The following KDM1A variants were observed in gnomAD, a reference collection of about 807,000 sequenced individuals.
The protein encoded by KDM1A is lysine-specific histone demethylase 1A.
Under a neutral mutation model 109.4 loss-of-function variants are expected in KDM1A, and 49 were observed. The observed-to-expected ratio is 0.45, with a 90% CI of 0.36 to 0.57. The LOEUF is 0.57. Ranked by LOEUF, KDM1A falls within the 20% of genes least tolerant of loss-of-function variation. The pLI, the probability that KDM1A is intolerant of heterozygous loss-of-function variation, is 0.00. For missense variants in KDM1A, 668 were observed against 1,116.6 expected (o/e 0.60, Z 5.73); for synonymous variants, 380 against 415.4 (o/e 0.91, Z 1.04).
At chr1:23,061,728 C>T (rs1643007327) in intron 9 of KDM1A, among the ~76,000 whole-genome samples, 1 of 150,658 alleles carries the variant, frequency 6.6e-6, no homozygotes, top group South Asian at 2.1e-4. Flanking sequence ...ACAATCTTGA[C>T]TCACTGCAAC....
rs367956408 is a variant in KDM1A at position 23,066,089 on chromosome 1, T to C, written c.1179+18T>C. 6.4e-5 allele frequency: 97 copies of C among 1,524,058 alleles called. No individual in the cohort carries two copies. Among genetic ancestry groups the C allele is most frequent in the Non-Finnish European group, 6.9e-5 (76 of 1,099,764 alleles). The allele number at this position is 1,524,058 out of a possible 1,614,324, so 94.4% of individuals were successfully genotyped here. ...CTGTCAAGGTATTTTTTTCATAATT[T>C]TTCAAATCATTTTCCTCACTGTTTA... is the stretch of plus-strand genomic sequence containing the variant. On this transcript the variant is annotated intron_variant, in intron 10 of 20. Transcript: ENST00000400181.
At chr1:23,037,227 C>T (rs971359822) in intron 2 of KDM1A, among the ~76,000 whole-genome samples, 8 of 149,956 alleles carry the variant, frequency 5.3e-5, no homozygotes, top group Admixed American at 1.3e-4. Flanking sequence ...TCACTTGAAC[C>T]GGAGAGGCAG....
At chr1:23,026,430 C>T (rs1261436580) in intron 1 of KDM1A, among the ~76,000 whole-genome samples, 2 of 149,388 alleles carry the variant, frequency 1.3e-5, no homozygotes, top group Admixed American at 6.7e-5. Flanking sequence ...CACTTTGTCA[C>T]CCAGGCTGGA....
intron 2 of KDM1A, among the ~76,000 whole-genome samples, chr1:23,042,439 T>A (rs1194404461): frequency 2.6e-4 from 14 of 54,788 alleles, no homozygotes; most frequent in Admixed American, 1.8e-3. Flanking sequence ...TGAAATATAT[T>A]ATTTTTTTTT....
At chr1:23,058,713 TACAGCC>T (rs1214158096) in intron 8 of KDM1A, among the ~76,000 whole-genome samples, 1 of 152,178 alleles carries the variant, frequency 6.6e-6, no homozygotes, top group Non-Finnish European at 1.5e-5. Flanking sequence ...ATGAGAAATA[TACAGCC>T]ACTAAAAATC....
chr1:23,055,637 T>G (rs1438060640), intron 6 of KDM1A, among the ~76,000 whole-genome samples: 1 of 152,226 alleles, frequency 6.6e-6, no homozygotes, highest in Non-Finnish European at 1.5e-5. Flanking sequence ...TGAAGCAGAT[T>G]ATTAACAAAT....
chr1:23,069,477 C>CT (rs377017754), intron 12 of KDM1A, among the ~76,000 whole-genome samples: 207 of 152,214 alleles, frequency 1.4e-3, no homozygotes, highest in African/African-American at 4.7e-3. Context: ...ATAAAATACA[C>CT]TAACACTAAT....
At chr1:23,073,751 C>T (rs908241896) in intron 15 of KDM1A, among the ~76,000 whole-genome samples, 4 of 152,192 alleles carry the variant, frequency 2.6e-5, no homozygotes, top group Admixed American at 6.5e-5. Flanking sequence ...TCATACAGTA[C>T]ATAGCTTTTT....
intron 2 of KDM1A, among the ~76,000 whole-genome samples, chr1:23,035,402 G>A (rs982866919): frequency 3.3e-5 from 5 of 151,966 alleles, no homozygotes; most frequent in Admixed American, 1.3e-4. Context: ...AGGTTTCTCC[G>A]CGTTGGCCAG....
intron 16 of KDM1A, 29 bp downstream of exon 16, chr1:23,077,389 G>A: frequency 6.3e-7 from 1 of 1,599,400 alleles, no homozygotes; most frequent in Non-Finnish European, 8.6e-7. Flanking sequence ...AAAGGTAAGA[G>A]AGAACTCTCC....
chr1:23,077,331 C>T lies in KDM1A; in HGVS notation c.1838C>T (p.Ala613Val). Residue 613 changes from alanine to valine, a missense_variant, in exon 16 of 21, where the codon GCA becomes GTA. Transcript: ENST00000400181. ...GGCCTAGACATTAAACTGAATACAG[C>T]AGTGCGACAGGTTCGCTACACGGCT... ...AEGLDIKLNT[A>V]VRQVRYTASG... is the part of the protein sequence containing the mutation. 1 of 1,613,622 alleles carries T rather than the reference C, an allele frequency of 6.2e-7. No homozygotes were observed. The highest frequency in any genetic ancestry group is 8.5e-7 in the Non-Finnish European group (1 of 1,179,634).
chr1:23,073,460 G>C, intron 15 of KDM1A, 57 bp downstream of exon 15: 1 of 935,160 alleles, frequency 1.1e-6, no homozygotes, highest in South Asian at 1.4e-5. Flanking sequence ...GATTGTAAGA[G>C]AAATAGTTAA....
chr1:23,035,266 G>A (rs1434189120), intron 2 of KDM1A, among the ~76,000 whole-genome samples: 1 of 152,140 alleles, frequency 6.6e-6, no homozygotes, highest in Non-Finnish European at 1.5e-5. Context: ...GCAATGGCAT[G>A]ATCTCGGCTC....
intron 16 of KDM1A, 60 bp downstream of exon 16, chr1:23,077,420 G>C: frequency 6.5e-7 from 1 of 1,541,900 alleles, no homozygotes; most frequent in Middle Eastern, 1.7e-4. Flanking sequence ...CTGATCTTTT[G>C]TTAGGTGCGA....
intron 20 of KDM1A, 187 bp downstream of exon 20, chr1:23,082,553 C>T (rs1643651811): frequency 3.6e-6 from 2 of 548,702 alleles, no homozygotes; most frequent in African/African-American, 1.9e-5. Flanking sequence ...TAAATCTAGG[C>T]AGTCTACATT....
At chr1:23,078,115 C>T (rs530714314) in intron 16 of KDM1A, among the ~76,000 whole-genome samples, 23 of 152,314 alleles carry the variant, frequency 1.5e-4, no homozygotes, top group Middle Eastern at 3.4e-3. Flanking sequence ...TCTTACCCTG[C>T]GCTGCCCCTT....
chr1:23,075,522 G>A (rs1357015375), intron 15 of KDM1A, among the ~76,000 whole-genome samples: 2 of 149,098 alleles, frequency 1.3e-5, no homozygotes, highest in Non-Finnish European at 3.0e-5. Flanking sequence ...AGTGAGCGGA[G>A]ATCGCGCCAT....
Position 23,055,917 on chromosome 1 carries a change from A to AT in KDM1A, c.884-9dup, listed in dbSNP as rs1642816551. 3 of 1,556,524 alleles carry AT rather than the reference A, an allele frequency of 1.9e-6. No individual in the cohort carries two copies. In the African/African-American group the frequency reaches 4.2e-5, roughly 22 times the overall value. On this transcript the variant is annotated splice_polypyrimidine_tract_variant and intron_variant, in intron 6 of 20. Transcript: ENST00000400181. The stretch of plus-strand genomic sequence containing the variant: ...TACCTAAAACAAAATCTTTTTTTTC[A>AT]TTTTTTGCTTTTAGCTAAAAAGACA...
chr1:23,083,018 A>G, intron 20 of KDM1A, 161 bp from the exon 21 acceptor site: 1 of 612,338 alleles, frequency 1.6e-6, no homozygotes, highest in Non-Finnish European at 2.9e-6. Context: ...ATTCTGGGAA[A>G]GTGCCTACTG....
Sources: gnomAD v4.1 joint callset for allele counts (sites outside exome capture counted in the v4.1 genomes callset) on GRCh38, gnomAD v4.1.1 for gene constraint, MANE v1.5 for transcripts, NCBI Gene and HGNC (gene_info 2026-07-23, HGNC 2026-07-21) for gene names.